The following CAMKMT variants were observed in gnomAD, a reference collection of about 807,000 sequenced individuals.
The protein encoded by CAMKMT is CaM KMT.
Under a neutral mutation model 48.0 loss-of-function variants are expected in CAMKMT, and 53 were observed. The ratio of observed to expected loss-of-function variants is 1.10; its 90% confidence interval spans 0.89 to 1.39. The LOEUF is 1.39. Ranked by LOEUF, CAMKMT falls within the 40% of genes most tolerant of loss-of-function variation. CAMKMT has a pLI of 0.00. For missense variants in CAMKMT, 428 were observed against 402.7 expected (o/e 1.06, Z -0.54); for synonymous variants, 165 against 152.3 (o/e 1.08, Z -0.61).
intron 3 of CAMKMT, among the ~76,000 whole-genome samples, chr2:44,566,156 C>A (rs1668605139): frequency 6.6e-6 from 1 of 152,184 alleles, no homozygotes. Flanking sequence ...AGAGCCATTG[C>A]TAAGGCTACT....
At chr2:44,478,950 C>T (rs1432682542) in intron 3 of CAMKMT, among the ~76,000 whole-genome samples, 3 of 152,132 alleles carry the variant, frequency 2.0e-5, no homozygotes, top group African/African-American at 4.8e-5. Context: ...CCGCCCGCCT[C>T]GGCCTCCCAA....
chr2:44,633,497 A>G (rs752985855), intron 3 of CAMKMT, among the ~76,000 whole-genome samples: 6 of 152,164 alleles, frequency 3.9e-5, no homozygotes, highest in Admixed American at 6.5e-5. Context: ...GTTAGTTTCT[A>G]TCACTCTTAC....
At chr2:44,512,690 T>C (rs1217170419) in intron 3 of CAMKMT, among the ~76,000 whole-genome samples, 2 of 152,256 alleles carry the variant, frequency 1.3e-5, no homozygotes, top group African/African-American at 4.8e-5. Flanking sequence ...AACATCAAAA[T>C]ATCTATACCT....
At chr2:44,634,377 T>C (rs929949556) in intron 3 of CAMKMT, among the ~76,000 whole-genome samples, 5 of 152,032 alleles carry the variant, frequency 3.3e-5, no homozygotes, top group Non-Finnish European at 7.4e-5. Flanking sequence ...AGTCCTTTGC[T>C]GCCTGTTGTC....
intron 3 of CAMKMT, among the ~76,000 whole-genome samples, chr2:44,698,133 A>T (rs886441059): frequency 6.6e-6 from 1 of 152,230 alleles, no homozygotes; most frequent in African/African-American, 2.4e-5. Flanking sequence ...TTCACATACC[A>T]TACAATTCAT....
At chr2:44,506,617 G>T (rs370246525) in intron 3 of CAMKMT, among the ~76,000 whole-genome samples, 1 of 152,194 alleles carries the variant, frequency 6.6e-6, no homozygotes, top group South Asian at 2.1e-4. Context: ...AATGTAGGGG[G>T]ACTCTATGAA....
At chr2:44,440,754 AC>A (rs1402310450) in intron 3 of CAMKMT, among the ~76,000 whole-genome samples, 1 of 152,122 alleles carries the variant, frequency 6.6e-6, no homozygotes, top group Non-Finnish European at 1.5e-5. Flanking sequence ...TTAATTTTCC[AC>A]AGTAGTATCA....
chr2:44,533,907 A>G (rs1170455004), intron 3 of CAMKMT, among the ~76,000 whole-genome samples: 3 of 152,256 alleles, frequency 2.0e-5, no homozygotes, highest in Admixed American at 1.3e-4. Flanking sequence ...TAAGTGGATT[A>G]AATTTTCCAC....
At chr2:44,562,561 C>A (rs1668379498) in intron 3 of CAMKMT, among the ~76,000 whole-genome samples, 1 of 152,020 alleles carries the variant, frequency 6.6e-6, no homozygotes, top group African/African-American at 2.4e-5. Flanking sequence ...GACTTCAAAG[C>A]CATGCTCTCT....
At chr2:44,502,562 T>C (rs999514047) in intron 3 of CAMKMT, among the ~76,000 whole-genome samples, 8 of 152,222 alleles carry the variant, frequency 5.3e-5, no homozygotes, top group African/African-American at 1.7e-4. Context: ...CTTGATCTGG[T>C]TTGCCATCTT....
At chr2:44,588,167 G>A (rs1426197365) in intron 3 of CAMKMT, among the ~76,000 whole-genome samples, 8 of 132,562 alleles carry the variant, frequency 6.0e-5, no homozygotes, top group Admixed American at 2.3e-4. Flanking sequence ...CTGCCCGGCC[G>A]CCCCGTCTGA....
At chr2:44,501,995 C>T (rs556714148) in intron 3 of CAMKMT, among the ~76,000 whole-genome samples, 3 of 152,180 alleles carry the variant, frequency 2.0e-5, no homozygotes, top group South Asian at 4.1e-4. Context: ...ATCAAATAGG[C>T]CAGGCGCAGT....
intron 6 of CAMKMT, among the ~76,000 whole-genome samples, chr2:44,710,784 A>G (rs1481227431): frequency 1.3e-5 from 2 of 152,180 alleles, no homozygotes; most frequent in Non-Finnish European, 2.9e-5. Context: ...TCTAAATTAT[A>G]ATGAATAAAA....
chr2:44,411,267 C>T (rs1313205973), intron 3 of CAMKMT, among the ~76,000 whole-genome samples: 2 of 152,164 alleles, frequency 1.3e-5, no homozygotes, highest in Non-Finnish European at 2.9e-5. Flanking sequence ...CATTCGTTTA[C>T]TCATTACATA....
chr2:44,660,618 T>G (rs1407987165), intron 3 of CAMKMT, among the ~76,000 whole-genome samples: 1 of 152,226 alleles, frequency 6.6e-6, no homozygotes, highest in Non-Finnish European at 1.5e-5. Context: ...CAATATATTT[T>G]TTTGTTTGTT....
At chr2:44,441,332 T>A (rs559313069) in intron 3 of CAMKMT, among the ~76,000 whole-genome samples, 1 of 152,310 alleles carries the variant, frequency 6.6e-6, no homozygotes, top group East Asian at 1.9e-4. Flanking sequence ...TAAATCAGTG[T>A]TGCTGGGTGA....
At chr2:44,451,893 T>C (rs928438871) in intron 3 of CAMKMT, among the ~76,000 whole-genome samples, 4 of 151,962 alleles carry the variant, frequency 2.6e-5, no homozygotes, top group South Asian at 2.1e-4. Context: ...TAATAGCCAA[T>C]AGCCAAAAAC....
At chr2:44,673,528 A>T (rs897139414) in intron 3 of CAMKMT, among the ~76,000 whole-genome samples, 1 of 149,110 alleles carries the variant, frequency 6.7e-6, no homozygotes, top group Admixed American at 6.7e-5. Flanking sequence ...GAAGGAGGGA[A>T]GGAAGAAATC....
chr2:44,763,290 G>A (rs1455710287), intron 9 of CAMKMT, among the ~76,000 whole-genome samples: 2 of 152,224 alleles, frequency 1.3e-5, no homozygotes, highest in African/African-American at 4.8e-5. Flanking sequence ...CGTGGGTACA[G>A]TGTTGTGCAC....
Sources: gnomAD v4.1 joint callset for allele counts (sites outside exome capture counted in the v4.1 genomes callset) on GRCh38, gnomAD v4.1.1 for gene constraint, MANE v1.5 for transcripts, NCBI Gene and HGNC (gene_info 2026-07-23, HGNC 2026-07-21) for gene names.